CCSER1: variants seen among roughly 807,000 people sequenced by gnomAD.
The protein encoded by CCSER1 is serine-rich coiled-coil domain-containing protein 1.
A neutral mutation model predicts 82.0 loss-of-function variants in CCSER1; 41 were observed. That is an observed-to-expected ratio of 0.50 (90% CI 0.39 to 0.65). The LOEUF is 0.65. CCSER1 is among the 30% of genes least tolerant of loss of function. CCSER1 has a pLI of 0.00. For missense variants in CCSER1, 1,119 were observed against 1,064.2 expected (o/e 1.05, Z -0.72); for synonymous variants, 414 against 383.9 (o/e 1.08, Z -0.92).
At chr4:90,241,022 C>T (rs1210777289) in intron 1 of CCSER1, among the ~76,000 whole-genome samples, 1 of 152,204 alleles carries the variant, frequency 6.6e-6, no homozygotes, top group Admixed American at 6.5e-5. Context: ...CCATTTAAAT[C>T]ACTTTTATAA....
intron 6 of CCSER1, among the ~76,000 whole-genome samples, chr4:90,701,535 G>A (rs1738125830): frequency 6.6e-6 from 1 of 152,150 alleles, no homozygotes; most frequent in Non-Finnish European, 1.5e-5. Flanking sequence ...GTCATTTGTA[G>A]CTTGATGGGG....
intron 10 of CCSER1, among the ~76,000 whole-genome samples, chr4:91,437,171 A>G (rs1021574116): frequency 2.0e-5 from 3 of 152,228 alleles, no homozygotes; most frequent in Admixed American, 1.3e-4. Flanking sequence ...ATGTCAGATT[A>G]ACTGGGCCAA....
At chr4:91,242,948 A>G (rs1039698472) in intron 10 of CCSER1, among the ~76,000 whole-genome samples, 3 of 152,178 alleles carry the variant, frequency 2.0e-5, no homozygotes, top group Non-Finnish European at 2.9e-5. Context: ...AAGAATAAAA[A>G]ATCAGATAAC....
chr4:91,413,501 A>G (rs1268790750), intron 10 of CCSER1, among the ~76,000 whole-genome samples: 1 of 151,616 alleles, frequency 6.6e-6, no homozygotes, highest in Non-Finnish European at 1.5e-5. Flanking sequence ...AAGAACAACA[A>G]CAACAAAAAA....
chr4:91,241,487 G>A (rs1189135448), intron 10 of CCSER1, among the ~76,000 whole-genome samples: 2 of 148,514 alleles, frequency 1.3e-5, no homozygotes, highest in African/African-American at 2.5e-5. Context: ...CACCACGCCC[G>A]GCTAATTTTT....
chr4:91,348,231 A>C (rs1748204422), intron 10 of CCSER1, among the ~76,000 whole-genome samples: 1 of 152,140 alleles, frequency 6.6e-6, no homozygotes, highest in Non-Finnish European at 1.5e-5. Flanking sequence ...CATCTATTAA[A>C]ATAATAATAT....
rs555159674 is a variant in CCSER1, at chr4:90,412,980, A to G, written c.1603+12851A>G. On this transcript the variant is annotated intron_variant, in intron 4 of 10. Coordinates refer to ENST00000509176, the MANE Select transcript of CCSER1 (RefSeq NM_001145065.2). ...GGAAGTCAAGCTGTCAGAAATAAAG[A>G]GCATCCAAATCAGTAAAGAGGAAGT... 2.0e-5 allele frequency among the ~76,000 whole-genome samples: 3 copies of G among 149,608 alleles called. No homozygotes were observed. The South Asian group carries it at 6.6e-4, about 33-fold the overall frequency.
intron 10 of CCSER1, among the ~76,000 whole-genome samples, chr4:91,581,717 C>G (rs1763734742): frequency 6.6e-6 from 1 of 151,526 alleles, no homozygotes; most frequent in South Asian, 2.1e-4. Context: ...ATTAGCAGGA[C>G]TTATAGTTTT....
At chr4:90,782,595 G>T (rs187956323) in intron 7 of CCSER1, among the ~76,000 whole-genome samples, 1 of 151,950 alleles carries the variant, frequency 6.6e-6, no homozygotes, top group Non-Finnish European at 1.5e-5. Flanking sequence ...AATAATTTTC[G>T]GTGAAAAAGG....
intron 7 of CCSER1, among the ~76,000 whole-genome samples, chr4:90,807,160 A>G (rs1757625347): frequency 6.6e-6 from 1 of 152,108 alleles, no homozygotes; most frequent in Admixed American, 6.5e-5. Flanking sequence ...TACTTGTAGC[A>G]TCCAGGATTT....
intron 1 of CCSER1, among the ~76,000 whole-genome samples, chr4:90,244,619 G>C (rs1226426950): frequency 6.6e-6 from 1 of 152,120 alleles, no homozygotes; most frequent in Non-Finnish European, 1.5e-5. Flanking sequence ...CCTTCTTCAC[G>C]TGGTGGCAGG....
At chr4:90,576,189 T>A (rs1403571364) in intron 5 of CCSER1, among the ~76,000 whole-genome samples, 1 of 152,158 alleles carries the variant, frequency 6.6e-6, no homozygotes, top group Admixed American at 6.5e-5. Flanking sequence ...CTTTTCAATA[T>A]TTACTAATGG....
intron 4 of CCSER1, among the ~76,000 whole-genome samples, chr4:90,466,205 A>T (rs1050959983): frequency 2.0e-5 from 3 of 152,234 alleles, no homozygotes; most frequent in African/African-American, 7.2e-5. Context: ...TAATGTGGGT[A>T]GGCCTCACAT....
chr4:91,399,002 A>T (rs553190224), intron 10 of CCSER1, among the ~76,000 whole-genome samples: 88 of 152,064 alleles, frequency 5.8e-4, no homozygotes, highest in Admixed American at 2.4e-3. Flanking sequence ...GTAATAGATA[A>T]AATTTTTGGA....
At chr4:91,007,675 CAAAA>C (rs55642634) in intron 9 of CCSER1, among the ~76,000 whole-genome samples, 1 of 133,160 alleles carries the variant, frequency 7.5e-6, no homozygotes, top group African/African-American at 2.8e-5. Flanking sequence ...TTTATCTTCT[CAAAA>C]AAAAAAAAAA....
chr4:91,107,639 C>CTT (rs55901052), intron 10 of CCSER1, among the ~76,000 whole-genome samples: 49 of 136,316 alleles, frequency 3.6e-4, no homozygotes, highest in African/African-American at 1.3e-3. Context: ...TTCTTTTTCT[C>CTT]TTTTTTTTTT....
At chr4:91,249,282 C>T (rs1740066377) in intron 10 of CCSER1, among the ~76,000 whole-genome samples, 1 of 152,022 alleles carries the variant, frequency 6.6e-6, no homozygotes, top group Non-Finnish European at 1.5e-5. Context: ...ATTATTTTAA[C>T]CAAGGGGGAG....
At chr4:90,333,770 G>A (rs1245159649) in intron 3 of CCSER1, among the ~76,000 whole-genome samples, 1 of 152,164 alleles carries the variant, frequency 6.6e-6, no homozygotes, top group East Asian at 1.9e-4. Flanking sequence ...TTGGTTCAAA[G>A]AGCATTTGAT....
At chr4:90,527,783 T>A (rs543154641) in intron 5 of CCSER1, among the ~76,000 whole-genome samples, 34 of 152,134 alleles carry the variant, frequency 2.2e-4, no homozygotes, top group Non-Finnish European at 4.4e-4. Context: ...CTGCCTTTTA[T>A]GAATTTTAAA....
Sources: gnomAD v4.1 joint callset for allele counts (sites outside exome capture counted in the v4.1 genomes callset) on GRCh38, gnomAD v4.1.1 for gene constraint, MANE v1.5 for transcripts, NCBI Gene and HGNC (gene_info 2026-07-23, HGNC 2026-07-21) for gene names.